ARHGEF28: variants seen among roughly 807,000 people sequenced by gnomAD.
The protein encoded by ARHGEF28 is 190 kDa guanine nucleotide exchange factor.
In ARHGEF28, 152 loss-of-function variants were observed where a neutral mutation model predicts 206.6. The ratio of observed to expected loss-of-function variants is 0.74; its 90% CI spans 0.64 to 0.84. ARHGEF28 has a LOEUF of 0.84. Ranked by LOEUF, ARHGEF28 falls within the 40% of genes least tolerant of loss-of-function variation. ARHGEF28 has a pLI of 0.00. For synonymous variants in ARHGEF28, 763 were observed against 776.4 expected (o/e 0.98, Z 0.29); for missense variants, 2,028 against 2,073.2 (o/e 0.98, Z 0.42).
At position 73,776,682 on chromosome 5, in the gene ARHGEF28, G is replaced by A. The variant is rs750563311; in HGVS notation, c.826G>A (p.Ala276Thr). The A allele has an allele frequency of 6.2e-6, 10 of 1,612,970 alleles. No homozygotes were observed. The highest frequency in any genetic ancestry group is 8.5e-6 in the Non-Finnish European group (10 of 1,179,282). ...KLFRKYFWDRAFLVKAFEPEA... is the reference protein window; with the variant it reads ...KLFRKYFWDRTFLVKAFEPEA... The stretch of plus-strand genomic sequence containing the variant: ...CTTCCGGAAATACTTTTGGGATAGA[G>A]CCTTTCTTGTCAAGGTTTGTACATA... The change falls in exon 6 of 36, where the codon GCC becomes ACC. Residue 276 changes from alanine (A) to threonine (T), a missense_variant. Ala to Thr is a moderately conservative substitution (Grantham distance 58, BLOSUM62 0). This residue lies in a region of ARHGEF28 where 1,002 missense variants were observed against 1,015.3 expected (regional missense o/e 0.99). Transcript: ENST00000513042.
intron 14 of ARHGEF28, among the ~76,000 whole-genome samples, chr5:73,853,024 G>C (rs1758799017): frequency 6.6e-6 from 1 of 152,154 alleles, no homozygotes; most frequent in African/African-American, 2.4e-5. Flanking sequence ...CATGACAAGG[G>C]GACTTACTTT....
At chr5:73,658,892 G>T (rs1745399684) in intron 1 of ARHGEF28, among the ~76,000 whole-genome samples, 1 of 151,564 alleles carries the variant, frequency 6.6e-6, no homozygotes, top group South Asian at 2.1e-4. Context: ...TCTGAAATGA[G>T]TTTTTCTTCA....
At chr5:73,923,735 G>A (rs1330544105) in intron 35 of ARHGEF28, among the ~76,000 whole-genome samples, 1 of 152,156 alleles carries the variant, frequency 6.6e-6, no homozygotes, top group Non-Finnish European at 1.5e-5. Context: ...ACTTCTGGTG[G>A]TGACTATTTT....
intron 1 of ARHGEF28, among the ~76,000 whole-genome samples, chr5:73,674,891 T>G (rs1213493658): frequency 3.3e-5 from 5 of 151,928 alleles, no homozygotes; most frequent in Admixed American, 6.6e-5. Flanking sequence ...CAGGGGAGGG[T>G]AGGGAAGCTC....
intron 9 of ARHGEF28, among the ~76,000 whole-genome samples, chr5:73,818,895 T>A (rs1756400039): frequency 1.3e-5 from 2 of 152,208 alleles, no homozygotes; most frequent in African/African-American, 4.8e-5. Context: ...CTCCATCACT[T>A]CTAGTTTTAG....
At chr5:73,634,402 G>A (rs1163044707) in intron 1 of ARHGEF28, among the ~76,000 whole-genome samples, 1 of 152,156 alleles carries the variant, frequency 6.6e-6, no homozygotes, top group African/African-American at 2.4e-5. Context: ...ATAAAATGGG[G>A]TTATTCTCAA....
chr5:73,923,178 G>T (rs1270279519), intron 35 of ARHGEF28: 8 of 1,534,006 alleles, frequency 5.2e-6, no homozygotes, highest in East Asian at 2.4e-5. Flanking sequence ...ATACTGCAAG[G>T]GGGGTGCTTA....
intron 1 of ARHGEF28, among the ~76,000 whole-genome samples, chr5:73,662,050 A>G (rs150680008): frequency 4.0e-4 from 61 of 152,328 alleles, no homozygotes; most frequent in African/African-American, 1.4e-3. Flanking sequence ...ACAACAAGAC[A>G]TGCCTGTATT....
In ARHGEF28 at chr5:73,749,481, A is replaced by G. The variant is rs561193504; in HGVS notation, c.34-356A>G. ...GAGGAGTTTAAGACCAGCCTGGGCA[A>G]CATAGTGAGACCCTGTCTCTAAAAA... On this transcript the variant is annotated intron_variant, in intron 2 of 35. Transcript: ENST00000513042. Among the ~76,000 whole-genome samples, 3 of 152,340 alleles carry G rather than the reference A, an allele frequency of 2.0e-5. No individual in the cohort carries two copies. The South Asian group carries it at 6.2e-4, about 32-fold the overall frequency.
chr5:73,714,341 A>C (rs1749438056), intron 2 of ARHGEF28, among the ~76,000 whole-genome samples: 1 of 152,188 alleles, frequency 6.6e-6, no homozygotes, highest in Non-Finnish European at 1.5e-5. Context: ...TTTCTGTTGG[A>C]ACTTTTTCGA....
At chr5:73,786,868 G>A (rs75266699) in intron 7 of ARHGEF28, among the ~76,000 whole-genome samples, 2,658 of 152,260 alleles carry the variant, frequency 0.017, 70 homozygotes, top group African/African-American at 0.06. Context: ...TGAGATACCA[G>A]GACCCAGCCA....
Position 73,773,963 on chromosome 5 carries a change from C to T in ARHGEF28, c.584C>T (p.Pro195Leu). Residue 195 changes from proline to leucine, a missense_variant, in exon 5 of 36, where the codon CCC (proline) becomes CTC (leucine). Physicochemically the swap from Pro to Leu is moderately conservative, Grantham distance 98. This residue lies in a region of ARHGEF28 where 1,002 missense variants were observed against 1,015.3 expected (regional missense o/e 0.99). Coordinates refer to ENST00000513042, the MANE Select transcript of ARHGEF28 (RefSeq NM_001177693.2). ...GGGGGAGTCCAGGCCTTGGCTTTAC[C>T]CAACGAAGAGGGTGCCACACCATTA... The part of the protein sequence containing the change: ...LPGGVQALAL[P>L]NEEGATPLDL... 1 of 1,607,004 alleles carries T rather than the reference C, an allele frequency of 6.2e-7. No homozygotes were observed. The highest frequency in any genetic ancestry group is 8.5e-7 in the Non-Finnish European group (1 of 1,176,670).
Position 73,654,722 on chromosome 5 carries a change from A to C in ARHGEF28, c.-12+28400A>C, listed in dbSNP as rs190386615. On this transcript the variant is annotated intron_variant, in intron 1 of 35. Coordinates refer to ENST00000513042, the MANE Select transcript of ARHGEF28 (RefSeq NM_001177693.2). ...AGTGAAATGCTGCCAGAATGAACTC[A>C]GTCATCTCTTTCATCCAGATACAGA... Among the ~76,000 whole-genome samples the C allele has an allele frequency of 2.0e-5, 3 of 152,322 alleles. No individual in the cohort carries two copies. The East Asian group carries it at 5.8e-4, about 29-fold the overall frequency.
chr5:73,771,771 C>A (rs532414609), intron 4 of ARHGEF28, among the ~76,000 whole-genome samples: 12 of 152,114 alleles, frequency 7.9e-5, no homozygotes, highest in Non-Finnish European at 1.3e-4. Context: ...ACAAAAACCT[C>A]ACTTTTTATT....
chr5:73,641,374 C>A (rs1478672879), intron 1 of ARHGEF28, among the ~76,000 whole-genome samples: 2 of 148,214 alleles, frequency 1.3e-5, no homozygotes, highest in African/African-American at 5.0e-5. Flanking sequence ...GATTAGTGGG[C>A]ATAATGAAAA....
rs576777332 is a variant in ARHGEF28 at position 73,663,534 on chromosome 5, C to T, written c.-11-21307C>T. ...TTTCTGGTTTACAAAGACTATGGCC[C>T]TTTTCAGTCCTTGTCTTTCTTGGCC... On this transcript the variant is annotated intron_variant, in intron 1 of 35. Coordinates refer to ENST00000513042, the MANE Select transcript of ARHGEF28 (RefSeq NM_001177693.2). Among the ~76,000 whole-genome samples, 18 of 152,284 alleles carry T rather than the reference C, an allele frequency of 1.2e-4. No individual in the cohort carries two copies. The South Asian group carries it at 3.7e-3, about 32-fold the overall frequency.
At chr5:73,915,932 A>G (rs1763187101) in intron 35 of ARHGEF28, among the ~76,000 whole-genome samples, 1 of 152,230 alleles carries the variant, frequency 6.6e-6, no homozygotes, top group African/African-American at 2.4e-5. Context: ...TATGTTAATA[A>G]TATAGATACT....
chr5:73,634,034 C>G (rs751016479), intron 1 of ARHGEF28, among the ~76,000 whole-genome samples: 1 of 152,054 alleles, frequency 6.6e-6, no homozygotes, highest in Non-Finnish European at 1.5e-5. Flanking sequence ...ATTTATCTTT[C>G]TTGAATTTAT....
chr5:73,713,798 T>C (rs1749405690), intron 2 of ARHGEF28, among the ~76,000 whole-genome samples: 1 of 152,202 alleles, frequency 6.6e-6, no homozygotes, highest in South Asian at 2.1e-4. Context: ...AAGGAAGACA[T>C]GGACTAACAA....
Sources: allele counts gnomAD v4.1 joint callset (sites outside exome capture counted in the v4.1 genomes callset), GRCh38; gene constraint gnomAD v4.1.1; regional missense constraint gnomAD v4.1.1; transcripts MANE v1.5; gene names NCBI Gene and HGNC (gene_info 2026-07-23, HGNC 2026-07-21).